Variants in NRXN1 observed in about 807,000 individuals in gnomAD.
NRXN1 encodes the protein neurexin 1.
Under a neutral mutation model 150.9 loss-of-function variants are expected in NRXN1, and 39 were observed. That is an observed-to-expected ratio of 0.26 (90% CI 0.20 to 0.34). The LOEUF (loss-of-function observed/expected upper bound fraction) is 0.34. Ranked by LOEUF, NRXN1 falls within the 10% of genes least tolerant of loss-of-function variation. The probability of loss-of-function intolerance (pLI) is 1.00; values close to 1 mark genes in which losing one functional copy is unlikely to be tolerated. For synonymous variants in NRXN1, 924 were observed against 757.0 expected, an observed-to-expected ratio of 1.22 and a Z score of -3.62; for missense variants, 1,815 against 1,949.9, an observed-to-expected ratio of 0.93 and a Z score of 1.30.
intron 17 of NRXN1, among the ~76,000 whole-genome samples, chr2:50,367,256 C>G (rs1373663701): frequency 1.3e-5 from 2 of 151,888 alleles, no homozygotes; most frequent in Non-Finnish European, 2.9e-5. Flanking sequence ...CCTATAGTCC[C>G]CTTCTTAAAC....
intron 5 of NRXN1, among the ~76,000 whole-genome samples, chr2:50,768,522 G>T (rs1264528901): frequency 6.6e-6 from 1 of 151,368 alleles, no homozygotes; most frequent in African/African-American, 2.4e-5. Flanking sequence ...GCAGAGGCTG[G>T]TCCTGAACTC....
intron 5 of NRXN1, among the ~76,000 whole-genome samples, chr2:50,675,064 C>T (rs1689362869): frequency 6.6e-6 from 1 of 151,944 alleles, no homozygotes; most frequent in Admixed American, 6.6e-5. Context: ...CCTGCTCTCA[C>T]CATGTGGCAC....
intron 17 of NRXN1, among the ~76,000 whole-genome samples, chr2:50,431,178 C>A (rs573406790): frequency 2.6e-5 from 4 of 152,310 alleles, no homozygotes; most frequent in African/African-American, 9.6e-5. Flanking sequence ...CAATCTTTGT[C>A]TACCCACTGG....
chr2:50,274,011 C>G (rs1467967404), intron 17 of NRXN1, among the ~76,000 whole-genome samples: 1 of 152,112 alleles, frequency 6.6e-6, no homozygotes, highest in African/African-American at 2.4e-5. Context: ...TTTGACCCAG[C>G]AATCCCATTA....
intron 9 of NRXN1, among the ~76,000 whole-genome samples, chr2:50,548,657 G>C (rs1214597554): frequency 6.6e-6 from 1 of 151,772 alleles, no homozygotes; most frequent in Non-Finnish European, 1.5e-5. Context: ...GAATGTACTA[G>C]AAACTGTGGA....
chr2:50,058,223 G>A (rs1265471616), intron 19 of NRXN1, among the ~76,000 whole-genome samples: 1 of 152,034 alleles, frequency 6.6e-6, no homozygotes, highest in African/African-American at 2.4e-5. Flanking sequence ...CATAAACACT[G>A]AATTCCCAAT....
intron 21 of NRXN1, among the ~76,000 whole-genome samples, chr2:49,963,207 C>G (rs148843954): frequency 5.4e-4 from 82 of 152,242 alleles, no homozygotes; most frequent in Non-Finnish European, 8.4e-4. Flanking sequence ...TTTAACGTCA[C>G]AGAATTCGGT....
chr2:50,757,957 C>T (rs1173940403), intron 5 of NRXN1: 1 of 151,740 alleles, frequency 6.6e-6, no homozygotes, highest in Non-Finnish European at 1.5e-5. Context: ...CTGACACATT[C>T]ACAAGAGAAA....
rs72874525 is a variant in NRXN1, at chr2:50,969,209, C to T, written c.773-43254G>A. ...CTCTTTATACTGTTTTTATTTTCTG[C>T]GGAGCACTAATCATTAATTAATATA... On this transcript the variant is annotated intron_variant, in intron 2 of 22. Transcript: ENST00000401669. Among the ~76,000 whole-genome samples the T allele has an allele frequency of 9.3e-3, 1,420 of 152,130 alleles. 22 individuals are homozygous for T. Among genetic ancestry groups the T allele is most frequent in the African/African-American group, 0.033 (1,359 of 41,500 alleles).
chr2:50,090,646 A>G (rs1158701762), intron 19 of NRXN1, among the ~76,000 whole-genome samples: 1 of 152,202 alleles, frequency 6.6e-6, no homozygotes, highest in East Asian at 1.9e-4. Context: ...TAATATTGAT[A>G]AAACTCATTC....
chr2:50,264,162 T>G (rs1418048200), intron 17 of NRXN1, among the ~76,000 whole-genome samples: 5 of 152,090 alleles, frequency 3.3e-5, no homozygotes, highest in African/African-American at 1.2e-4. Flanking sequence ...GATAAACATT[T>G]AAATTAGTTT....
chr2:50,220,885 A>G (rs2063831957), intron 18 of NRXN1, among the ~76,000 whole-genome samples: 1 of 152,032 alleles, frequency 6.6e-6, no homozygotes. Flanking sequence ...AGTTATTGCT[A>G]GTTATGCAAG....
intron 5 of NRXN1, among the ~76,000 whole-genome samples, chr2:50,807,167 C>T (rs1172069821): frequency 1.3e-5 from 2 of 152,078 alleles, no homozygotes; most frequent in Non-Finnish European, 2.9e-5. Flanking sequence ...TTTTCTTTAT[C>T]TATCTTTGTC....
chr2:50,968,391 T>C (rs537060678), intron 2 of NRXN1, among the ~76,000 whole-genome samples: 5 of 152,192 alleles, frequency 3.3e-5, no homozygotes, highest in African/African-American at 9.6e-5. Flanking sequence ...AATAACTGAG[T>C]AAATGGAAGT....
chr2:50,439,551 A>T (rs1401445977), intron 17 of NRXN1, among the ~76,000 whole-genome samples: 1 of 152,200 alleles, frequency 6.6e-6, no homozygotes, highest in Non-Finnish European at 1.5e-5. Context: ...TCACGCCTGT[A>T]ATCCCAGCAC....
intron 17 of NRXN1, among the ~76,000 whole-genome samples, chr2:50,318,154 A>G (rs897289412): frequency 4.6e-5 from 7 of 152,134 alleles, no homozygotes; most frequent in Admixed American, 4.6e-4. Context: ...TGGACTAAAA[A>G]TGTGAACAGA....
chr2:50,924,055 G>A (rs1686494859), intron 3 of NRXN1, among the ~76,000 whole-genome samples: 1 of 151,722 alleles, frequency 6.6e-6, no homozygotes, highest in African/African-American at 2.4e-5. Context: ...GCTGATAGTG[G>A]CTTATTTGTC....
chr2:50,584,059 T>C (rs969264377), intron 8 of NRXN1, among the ~76,000 whole-genome samples: 2 of 152,174 alleles, frequency 1.3e-5, no homozygotes, highest in Non-Finnish European at 2.9e-5. Flanking sequence ...AGAAAAAGTC[T>C]ACCCAGTATA....
intron 17 of NRXN1, among the ~76,000 whole-genome samples, chr2:50,358,157 T>G (rs994379746): frequency 3.3e-5 from 5 of 152,118 alleles, no homozygotes; most frequent in African/African-American, 1.2e-4. Context: ...AGGTGGCTGC[T>G]TGGGCAGACA....
Sources: allele counts gnomAD v4.1 joint callset (sites outside exome capture counted in the v4.1 genomes callset), GRCh38; gene constraint gnomAD v4.1.1; transcripts MANE v1.5; gene names NCBI Gene and HGNC (gene_info 2026-07-23, HGNC 2026-07-21).